CDH13: variants seen among roughly 807,000 people sequenced by gnomAD.
The protein encoded by CDH13 is cadherin 13, also known as cadherin-13.
Under a neutral mutation model 63.8 loss-of-function variants are expected in CDH13, and 24 were observed. The observed-to-expected ratio is 0.38, with a 90% CI of 0.27 to 0.53. CDH13 has a LOEUF of 0.53. CDH13 is among the 20% of genes least tolerant of loss of function. The pLI, the probability that CDH13 is intolerant of heterozygous loss-of-function variation, is 0.85. For missense variants in CDH13, 1,049 were observed against 903.1 expected, an observed-to-expected ratio of 1.16 and a Z score of -2.07; for synonymous variants, 503 against 355.3, an observed-to-expected ratio of 1.42 and a Z score of -4.67.
Position 83,372,163 on chromosome 16 carries a change from C to G in CDH13, c.781+27157C>G, listed in dbSNP as rs140252441. On this transcript the variant is annotated intron_variant, in intron 6 of 13. Coordinates refer to ENST00000567109, the MANE Select transcript of CDH13 (RefSeq NM_001257.5). ...CTCACTCATTCCCAGTTTGCAACAG[C>G]TTTGTATGGGAGGTTCTGTAACATC... Among the ~76,000 whole-genome samples the G allele has an allele frequency of 5.6e-3, 851 of 152,286 alleles. 7 individuals carry two copies. Among genetic ancestry groups the G allele is most frequent in the African/African-American group, 0.019 (785 of 41,552 alleles).
Position 83,008,977 on chromosome 16 carries a change from G to A in CDH13, c.158-23033G>A, listed in dbSNP as rs548467582. Among the ~76,000 whole-genome samples the A allele has an allele frequency of 2.3e-4, 35 of 152,266 alleles. 1 individual carries two copies. Among genetic ancestry groups the A allele is most frequent in the African/African-American group, 8.2e-4 (34 of 41,540 alleles). On this transcript the variant is annotated intron_variant, in intron 2 of 13. Coordinates refer to ENST00000567109, the MANE Select transcript of CDH13 (RefSeq NM_001257.5). Reference sequence around the variant, plus strand: ...AGGAAGAATGAGAGCTGAGTGAAGCGGGAAGCCCCTTATAAAACCATCAGA... The same window carrying A: ...AGGAAGAATGAGAGCTGAGTGAAGCAGGAAGCCCCTTATAAAACCATCAGA...
At chr16:83,692,540 C>G (rs1380200312) in intron 10 of CDH13, among the ~76,000 whole-genome samples, 1 of 152,198 alleles carries the variant, frequency 6.6e-6, no homozygotes, top group Non-Finnish European at 1.5e-5. Flanking sequence ...TGCCCACTTC[C>G]CTGTGCATTC....
chr16:82,937,686 A>G (rs1349494608), intron 2 of CDH13, among the ~76,000 whole-genome samples: 1 of 152,206 alleles, frequency 6.6e-6, no homozygotes, highest in Non-Finnish European at 1.5e-5. Flanking sequence ...TCTGAACTGC[A>G]GGAACTTCAT....
At chr16:83,076,081 C>A (rs1255661522) in intron 3 of CDH13, among the ~76,000 whole-genome samples, 1 of 152,074 alleles carries the variant, frequency 6.6e-6, no homozygotes, top group Admixed American at 6.6e-5. Context: ...TTCCAGACAT[C>A]CTGCCTGATG....
At chr16:83,520,252 AG>A (rs2074798638) in intron 7 of CDH13, among the ~76,000 whole-genome samples, 1 of 152,210 alleles carries the variant, frequency 6.6e-6, no homozygotes, top group Non-Finnish European at 1.5e-5. Context: ...GTGGAGCAAA[AG>A]AAGCCAAGTG....
At chr16:83,133,505 A>G (rs2036147152) in intron 4 of CDH13, among the ~76,000 whole-genome samples, 1 of 152,032 alleles carries the variant, frequency 6.6e-6, no homozygotes, top group Non-Finnish European at 1.5e-5. Context: ...TCCTCAGTGG[A>G]ATTATGTTTT....
intron 1 of CDH13, among the ~76,000 whole-genome samples, chr16:82,840,954 G>C (rs2038985638): frequency 6.6e-6 from 1 of 152,188 alleles, no homozygotes; most frequent in African/African-American, 2.4e-5. Flanking sequence ...GGCTTGGGTA[G>C]AAGAAAAGTC....
At chr16:82,938,738 C>T (rs1246706477) in intron 2 of CDH13, among the ~76,000 whole-genome samples, 1 of 152,230 alleles carries the variant, frequency 6.6e-6, no homozygotes, top group Non-Finnish European at 1.5e-5. Flanking sequence ...GGAGAGTCAA[C>T]GTAGGGTGCA....
At chr16:83,672,037 G>A (rs555111804) in intron 9 of CDH13, among the ~76,000 whole-genome samples, 7 of 152,310 alleles carry the variant, frequency 4.6e-5, no homozygotes, top group East Asian at 1.9e-4. Flanking sequence ...TGAGCAGCAG[G>A]GATCAATTGT....
intron 1 of CDH13, among the ~76,000 whole-genome samples, chr16:82,848,685 C>G (rs141887881): frequency 5.8e-4 from 88 of 152,056 alleles, no homozygotes; most frequent in African/African-American, 2.1e-3. Flanking sequence ...ACTCATCTGT[C>G]TCCTTCTCCT....
intron 1 of CDH13, among the ~76,000 whole-genome samples, chr16:82,709,873 A>C (rs1189057064): frequency 6.6e-6 from 1 of 152,144 alleles, no homozygotes; most frequent in Non-Finnish European, 1.5e-5. Flanking sequence ...CAAAACAGAT[A>C]GAGCTGTCCA....
intron 5 of CDH13, among the ~76,000 whole-genome samples, chr16:83,226,625 C>G (rs765784712): frequency 3.9e-5 from 6 of 152,160 alleles, no homozygotes; most frequent in Non-Finnish European, 8.8e-5. Context: ...GCTGATTCTT[C>G]AAATTACTTG....
chr16:83,456,820 G>A (rs2073036816), intron 6 of CDH13, among the ~76,000 whole-genome samples: 1 of 152,160 alleles, frequency 6.6e-6, no homozygotes, highest in Non-Finnish European at 1.5e-5. Context: ...AAATTAGCCA[G>A]GCATGGTGGC....
At chr16:83,107,340 G>A (rs1429534775) in intron 3 of CDH13, among the ~76,000 whole-genome samples, 1 of 152,064 alleles carries the variant, frequency 6.6e-6, no homozygotes, top group African/African-American at 2.4e-5. Context: ...TGGTGGTGGT[G>A]GTGGTGATTC....
intron 2 of CDH13, among the ~76,000 whole-genome samples, chr16:82,865,363 G>T (rs1201414455): frequency 6.6e-6 from 1 of 152,192 alleles, no homozygotes; most frequent in Non-Finnish European, 1.5e-5. Flanking sequence ...CTCTGCCTCT[G>T]CAACAAACTT....
intron 6 of CDH13, among the ~76,000 whole-genome samples, chr16:83,390,423 T>C (rs1402258649): frequency 6.6e-6 from 1 of 151,788 alleles, no homozygotes; most frequent in Non-Finnish European, 1.5e-5. Flanking sequence ...CTTAACCTTA[T>C]TGGACACAGT....
intron 1 of CDH13, among the ~76,000 whole-genome samples, chr16:82,642,372 C>T (rs933170331): frequency 2.6e-5 from 4 of 152,108 alleles, no homozygotes; most frequent in Non-Finnish European, 4.4e-5. Flanking sequence ...TATGCATCCC[C>T]GTATTGTAAT....
chr16:83,637,110 T>C (rs1911332716), intron 8 of CDH13, among the ~76,000 whole-genome samples: 1 of 152,226 alleles, frequency 6.6e-6, no homozygotes, highest in East Asian at 1.9e-4. Flanking sequence ...TGGTTATTTG[T>C]AGAAAACCAT....
chr16:82,925,227 A>G (rs1383723618), intron 2 of CDH13, among the ~76,000 whole-genome samples: 2 of 152,082 alleles, frequency 1.3e-5, no homozygotes, highest in African/African-American at 2.4e-5. Flanking sequence ...TCAAAGAGGG[A>G]GGAGGTGACA....
Sources: allele counts gnomAD v4.1 joint callset (sites outside exome capture counted in the v4.1 genomes callset), GRCh38; gene constraint gnomAD v4.1.1; transcripts MANE v1.5; gene names NCBI Gene and HGNC (gene_info 2026-07-23, HGNC 2026-07-21).